Variants in PAPPA observed in about 807,000 individuals in gnomAD.
PAPPA encodes the protein pappalysin 1.
Under a neutral mutation model 164.0 loss-of-function variants are expected in PAPPA, and 60 were observed. That is an observed-to-expected ratio of 0.37 (90% CI 0.30 to 0.45). PAPPA has a LOEUF of 0.45. PAPPA is among the 20% of genes least tolerant of loss of function. The pLI, the probability that PAPPA is intolerant of heterozygous loss-of-function variation, is 1.00. For missense variants in PAPPA, 1,782 were observed against 2,087.3 expected (o/e 0.85, Z 2.85); for synonymous variants, 875 against 814.1 (o/e 1.07, Z -1.27).
chr9:116,324,573 A>G (rs1845898829), intron 10 of PAPPA, among the ~76,000 whole-genome samples: 1 of 152,182 alleles, frequency 6.6e-6, no homozygotes, highest in Non-Finnish European at 1.5e-5. Flanking sequence ...ATACAACTAT[A>G]ATCTAACTTG....
At chr9:116,201,338 G>A (rs1355840650) in intron 2 of PAPPA, among the ~76,000 whole-genome samples, 1 of 152,122 alleles carries the variant, frequency 6.6e-6, no homozygotes, top group Non-Finnish European at 1.5e-5. Context: ...ATTAAGTAGC[G>A]GTTCATGGAC....
At chr9:116,371,873 T>C (rs1276192998) in intron 19 of PAPPA, among the ~76,000 whole-genome samples, 1 of 152,206 alleles carries the variant, frequency 6.6e-6, no homozygotes, top group Non-Finnish European at 1.5e-5. Flanking sequence ...ACCACTGTTT[T>C]GTTCTCTATT....
chr9:116,332,258 T>G, intron 11 of PAPPA, 75 bp from the exon 12 acceptor site: 1 of 1,340,346 alleles, frequency 7.5e-7, no homozygotes, highest in East Asian at 2.3e-5. Flanking sequence ...TCTCCTCAAA[T>G]GCACCCCAAT....
rs1163060696 is a variant in PAPPA, at chr9:116,235,287, G to A, written c.2382G>A (p.Glu794=). ...ELEFLYPLVP[E]SLTIWVTFVS... is the part of the protein sequence containing the mutation. Reference sequence around the variant, plus strand: ...AGTTCCTCTACCCCTTGGTCCCTGAGTCTCTGACCATTTGGGTGACCTTTG... The same window carrying A: ...AGTTCCTCTACCCCTTGGTCCCTGAATCTCTGACCATTTGGGTGACCTTTG... Residue 794 remains glutamate (E), a synonymous_variant, in exon 7 of 22, where the codon GAG becomes GAA. Transcript: ENST00000328252. The A allele has an allele frequency of 6.2e-7, 1 of 1,614,134 alleles. No individual in the cohort carries two copies. Among genetic ancestry groups the A allele is most frequent in the Non-Finnish European group, 8.5e-7 (1 of 1,180,038 alleles).
At chr9:116,253,023 C>T (rs1056265004) in intron 7 of PAPPA, among the ~76,000 whole-genome samples, 2 of 152,174 alleles carry the variant, frequency 1.3e-5, no homozygotes, top group Non-Finnish European at 2.9e-5. Context: ...CAAGGAAGGG[C>T]TAATATTCTC....
intron 9 of PAPPA, among the ~76,000 whole-genome samples, chr9:116,276,974 G>T (rs572311420): frequency 2.4e-4 from 37 of 152,204 alleles, no homozygotes; most frequent in African/African-American, 8.7e-4. Flanking sequence ...CTGAGCCAAG[G>T]CGAGAAAGGA....
intron 15 of PAPPA, among the ~76,000 whole-genome samples, chr9:116,350,118 T>G (rs1369644783): frequency 1.3e-5 from 2 of 152,200 alleles, no homozygotes; most frequent in Non-Finnish European, 2.9e-5. Flanking sequence ...CCAGGGGCAT[T>G]AACTCCTTGG....
At chr9:116,367,804 G>T in intron 19 of PAPPA, 50 bp downstream of exon 19, 1 of 1,254,782 alleles carries the variant, frequency 8.0e-7, no homozygotes, top group South Asian at 1.2e-5. Flanking sequence ...GGAGGGAAAT[G>T]ATATTGTTGA....
At chr9:116,155,210 C>T (rs1007343417) in intron 1 of PAPPA, among the ~76,000 whole-genome samples, 1 of 152,156 alleles carries the variant, frequency 6.6e-6, no homozygotes, top group African/African-American at 2.4e-5. Context: ...TGGGACGAGA[C>T]CTTCCTAACG....
intron 13 of PAPPA, among the ~76,000 whole-genome samples, chr9:116,338,857 T>C (rs1588010523): frequency 6.6e-6 from 1 of 152,228 alleles, no homozygotes; most frequent in Admixed American, 6.5e-5. Context: ...AAGACAACTT[T>C]TTCCTATTTT....
intron 9 of PAPPA, among the ~76,000 whole-genome samples, chr9:116,294,632 T>C (rs1845479002): frequency 6.6e-6 from 1 of 152,094 alleles, no homozygotes; most frequent in Non-Finnish European, 1.5e-5. Flanking sequence ...GCACTCCTGC[T>C]CCCCCTGTTC....
Position 116,396,791 on chromosome 9 carries a change from A to T in PAPPA, c.*175A>T. On this transcript the variant is annotated 3_prime_UTR_variant, in exon 22 of 22. Coordinates refer to ENST00000328252, the MANE Select transcript of PAPPA (RefSeq NM_002581.5). ...GACTCACATTGGGGCGAATGAACCA[A>T]GTTTCGCCATGCTGGATGATGAAAT... is the stretch of plus-strand genomic sequence containing the variant. 1.7e-6 allele frequency: 1 copy of T among 590,486 alleles called. No homozygotes were observed. The highest frequency in any genetic ancestry group is 3.0e-6 in the Non-Finnish European group (1 of 330,124). 36.6% of individuals were successfully genotyped at this position (590,486 alleles called of 1,614,324 possible). A position where few individuals can be genotyped will look rare whatever the true frequency, so the allele number is the denominator to read the frequency against.
At chr9:116,369,383 A>G (rs1295694634) in intron 19 of PAPPA, among the ~76,000 whole-genome samples, 2 of 152,210 alleles carry the variant, frequency 1.3e-5, no homozygotes, top group Non-Finnish European at 1.5e-5. Flanking sequence ...CTCATTGTAC[A>G]GATAGGGAAA....
At chr9:116,317,234 C>T (rs369571129) in intron 10 of PAPPA, among the ~76,000 whole-genome samples, 5 of 152,158 alleles carry the variant, frequency 3.3e-5, no homozygotes, top group Admixed American at 6.5e-5. Flanking sequence ...TAGGCCGATG[C>T]GGTCAAGACT....
intron 17 of PAPPA, among the ~76,000 whole-genome samples, chr9:116,360,853 T>C (rs1846417114): frequency 6.6e-6 from 1 of 152,182 alleles, no homozygotes. Context: ...AGGAGCTCAT[T>C]GTCTGGTTGC....
intron 1 of PAPPA, among the ~76,000 whole-genome samples, chr9:116,180,213 A>G (rs1843887520): frequency 6.6e-6 from 1 of 152,098 alleles, no homozygotes; most frequent in African/African-American, 2.4e-5. Flanking sequence ...GAAGTGAGGA[A>G]GCCCAGAGTA....
chr9:116,391,514 C>T (rs1000556230), intron 21 of PAPPA, among the ~76,000 whole-genome samples: 3 of 152,174 alleles, frequency 2.0e-5, no homozygotes, highest in Non-Finnish European at 2.9e-5. Context: ...AGAATCCAGC[C>T]CCTGCATGTC....
intron 8 of PAPPA, among the ~76,000 whole-genome samples, chr9:116,269,952 A>G (rs1391003375): frequency 6.6e-6 from 1 of 152,214 alleles, no homozygotes; most frequent in East Asian, 1.9e-4. Flanking sequence ...GATCAATTCA[A>G]TGCCCTAGCC....
Position 116,319,258 on chromosome 9 carries a change from C to T in PAPPA, c.3148-11986C>T, listed in dbSNP as rs114061572. ...AGTTGTCAGCAGCACAAAAGGCGGCCGCCACATCCGACACTAATCACTCTC... is the reference window on the plus strand; with the variant it reads ...AGTTGTCAGCAGCACAAAAGGCGGCTGCCACATCCGACACTAATCACTCTC... On this transcript the variant is annotated intron_variant, in intron 10 of 21. Transcript: ENST00000328252. Among the ~76,000 whole-genome samples, 298 of 152,236 alleles carry T rather than the reference C, an allele frequency of 2.0e-3. 1 individual carries two copies. The highest frequency in any genetic ancestry group is 6.5e-3 in the African/African-American group (271 of 41,538).
Sources: gnomAD v4.1 joint callset for allele counts (sites outside exome capture counted in the v4.1 genomes callset) on GRCh38, gnomAD v4.1.1 for gene constraint, MANE v1.5 for transcripts, NCBI Gene and HGNC (gene_info 2026-07-23, HGNC 2026-07-21) for gene names.